The following CUL5 variants were observed in gnomAD, a reference collection of about 807,000 sequenced individuals.
CUL5 encodes cullin 5.
A neutral mutation model predicts 108.8 loss-of-function variants in CUL5; 26 were observed. That is an observed-to-expected ratio of 0.24 (90% CI 0.18 to 0.33). CUL5 has a LOEUF of 0.33. Among genes scored for constraint, CUL5 ranks in the 10% least tolerant of loss-of-function variants. CUL5 has a pLI of 1.00. For synonymous variants in CUL5, 334 were observed against 298.0 expected, an observed-to-expected ratio of 1.12 and a Z score of -1.25; for missense variants, 524 against 909.2, an observed-to-expected ratio of 0.58 and a Z score of 5.45.
At chr11:108,024,558 A>G (rs1429283945) in intron 1 of CUL5, among the ~76,000 whole-genome samples, 1 of 152,246 alleles carries the variant, frequency 6.6e-6, no homozygotes, top group African/African-American at 2.4e-5. Context: ...ATAAAGTAAA[A>G]TAATCACAGT....
At chr11:108,076,697 GT>G (rs768085042) in intron 10 of CUL5, among the ~76,000 whole-genome samples, 2 of 152,160 alleles carry the variant, frequency 1.3e-5, no homozygotes, top group Non-Finnish European at 2.9e-5. Context: ...TCTTTGTGAA[GT>G]GGTGATTTCA....
At chr11:108,107,761 AG>A, downstream of CUL5, 2 of 152,550 alleles carry the variant, frequency 1.3e-5, no homozygotes, top group African/African-American at 2.4e-5. Context: ...GTAATATAAA[AG>A]CTTTTACCTA....
intron 5 of CUL5, among the ~76,000 whole-genome samples, chr11:108,053,389 A>G (rs918543189): frequency 2.6e-5 from 4 of 152,190 alleles, no homozygotes; most frequent in East Asian, 1.9e-4. Context: ...CACTCTAGGT[A>G]GGTATTTATT....
intron 7 of CUL5, among the ~76,000 whole-genome samples, chr11:108,065,901 A>AT (rs941437216): frequency 5.9e-5 from 9 of 151,608 alleles, no homozygotes; most frequent in Non-Finnish European, 8.8e-5. Context: ...ATTTTTTATT[A>AT]TTTTTTTTAG....
At chr11:108,021,148 A>G (rs571873240) in intron 1 of CUL5, among the ~76,000 whole-genome samples, 1 of 152,346 alleles carries the variant, frequency 6.6e-6, no homozygotes, top group African/African-American at 2.4e-5. Flanking sequence ...AGATTTGTGT[A>G]AGTACATGCT....
chr11:108,046,422 C>G, intron 3 of CUL5, 53 bp downstream of exon 3: 1 of 1,007,532 alleles, frequency 9.9e-7, no homozygotes, highest in South Asian at 1.5e-5. Flanking sequence ...CAGATAATAT[C>G]ATATTTTATT....
chr11:108,099,267 A>G (rs922413436), intron 18 of CUL5, among the ~76,000 whole-genome samples: 2 of 152,162 alleles, frequency 1.3e-5, no homozygotes, highest in African/African-American at 2.4e-5. Context: ...GGCCTCCCAA[A>G]GTGCTGGGAT....
chr11:108,034,397 TATATA>T (rs1862673454), intron 2 of CUL5, among the ~76,000 whole-genome samples: 1 of 152,188 alleles, frequency 6.6e-6, no homozygotes, highest in South Asian at 2.1e-4. Flanking sequence ...CCATATTGTT[TATATA>T]AACAGTTTAG....
At chr11:108,058,436 GAC>G (rs1356231568) in intron 7 of CUL5, among the ~76,000 whole-genome samples, 1 of 151,362 alleles carries the variant, frequency 6.6e-6, no homozygotes, top group African/African-American at 2.4e-5. Flanking sequence ...TTTTAGTAGA[GAC>G]AGGGTTTCAC....
rs935889774 is a variant in CUL5, at chr11:108,106,403, A to G, written c.*2019A>G. The G allele has an allele frequency of 1.3e-5, 2 of 152,558 alleles. No individual in the cohort carries two copies. Among genetic ancestry groups the G allele is most frequent in the East Asian group, 1.9e-4 (1 of 5,190 alleles). The allele number at this position is 152,558 out of a possible 1,614,324, so 9.5% of individuals were successfully genotyped here. A position where few individuals can be genotyped will look rare whatever the true frequency, so the allele number is the denominator to read the frequency against. On this transcript the variant is annotated 3_prime_UTR_variant, in exon 19 of 19. Coordinates refer to ENST00000393094, the MANE Select transcript of CUL5 (RefSeq NM_003478.6). ...ATGATGTTTTGATTTATGAAGGTGA[A>G]TTTAATGCAAAAGTGGGTAACACTA...
chr11:108,046,430 A>G lies in CUL5; in HGVS notation c.234+61A>G, dbSNP rs531544413. The G allele has an allele frequency of 9.8e-5, 94 of 957,082 alleles. 1 individual carries two copies. Among genetic ancestry groups the G allele is most frequent in the Admixed American group, 5.0e-4 (20 of 39,618 alleles). 59.3% of individuals were successfully genotyped at this position (957,082 alleles called of 1,614,324 possible). A position where few individuals can be genotyped will look rare whatever the true frequency, so the allele number is the denominator to read the frequency against. ...AACTACTCAGATAATATCATATTTTATTATTTTGAAAGTAGAACTTCTTGA... is the reference window on the plus strand; with the variant it reads ...AACTACTCAGATAATATCATATTTTGTTATTTTGAAAGTAGAACTTCTTGA... On this transcript the variant is annotated intron_variant, in intron 3 of 18. Coordinates refer to ENST00000393094, the MANE Select transcript of CUL5 (RefSeq NM_003478.6).
At chr11:108,011,629 T>C (rs1188543719) in intron 1 of CUL5, among the ~76,000 whole-genome samples, 1 of 139,392 alleles carries the variant, frequency 7.2e-6, no homozygotes, top group Non-Finnish European at 1.5e-5. Flanking sequence ...TTCTTTTTAA[T>C]TTTTTTTTTT....
chr11:108,048,365 A>C (rs765781735), intron 3 of CUL5, among the ~76,000 whole-genome samples: 3 of 152,146 alleles, frequency 2.0e-5, no homozygotes, highest in Non-Finnish European at 4.4e-5. Flanking sequence ...GGCTGGTCTC[A>C]GATGAATTTG....
intron 1 of CUL5, among the ~76,000 whole-genome samples, chr11:108,013,806 T>G (rs1057267881): frequency 9.2e-5 from 14 of 152,188 alleles, no homozygotes; most frequent in Non-Finnish European, 2.1e-4. Context: ...TGGTGGCTCA[T>G]GCCTGTAATC....
chr11:108,063,467 C>T (rs904907532), intron 7 of CUL5, among the ~76,000 whole-genome samples: 6 of 151,816 alleles, frequency 4.0e-5, no homozygotes, highest in African/African-American at 1.5e-4. Context: ...CAGTAAGGTT[C>T]CTTCCAAATC....
At chr11:108,102,419 C>T (rs1864695407) in intron 18 of CUL5, among the ~76,000 whole-genome samples, 1 of 152,186 alleles carries the variant, frequency 6.6e-6, no homozygotes, top group South Asian at 2.1e-4. Context: ...CTCTGCCTTT[C>T]AGGCTCAAGT....
rs147588620 is a variant in CUL5 at position 108,086,867 on chromosome 11, A to G, written c.1179-1660A>G. On this transcript the variant is annotated intron_variant, in intron 11 of 18. Coordinates refer to ENST00000393094, the MANE Select transcript of CUL5 (RefSeq NM_003478.6). ...AAATACTGGTATTGATGTACATAGAATTCATTTTTAATGAGTTAGGTATCA... is the reference window on the plus strand; with the variant it reads ...AAATACTGGTATTGATGTACATAGAGTTCATTTTTAATGAGTTAGGTATCA... Among the ~76,000 whole-genome samples the G allele has an allele frequency of 3.4e-4, 52 of 152,322 alleles. No individual in the cohort carries two copies. The East Asian group carries it at 9.1e-3, about 27-fold the overall frequency.
At chr11:108,062,175 G>A (rs1863553936) in intron 7 of CUL5, among the ~76,000 whole-genome samples, 1 of 152,080 alleles carries the variant, frequency 6.6e-6, no homozygotes, top group Non-Finnish European at 1.5e-5. Context: ...ATTGTTTATA[G>A]TTTATTTCTT....
intron 1 of CUL5, among the ~76,000 whole-genome samples, chr11:108,022,467 T>C (rs974635653): frequency 2.6e-5 from 4 of 152,198 alleles, no homozygotes; most frequent in Non-Finnish European, 5.9e-5. Flanking sequence ...TTGTTACAGA[T>C]ACGCTAATTG....
Sources: allele counts gnomAD v4.1 joint callset (sites outside exome capture counted in the v4.1 genomes callset), GRCh38; gene constraint gnomAD v4.1.1; transcripts MANE v1.5; gene names NCBI Gene and HGNC (gene_info 2026-07-23, HGNC 2026-07-21).